Variants in SIM1 observed in about 807,000 individuals in gnomAD.
SIM1 encodes the protein single-minded homolog 1.
Under a neutral mutation model 78.2 loss-of-function variants are expected in SIM1, and 18 were observed. The observed-to-expected ratio is 0.23, with a 90% CI of 0.16 to 0.34. The LOEUF (loss-of-function observed/expected upper bound fraction) is 0.34. Among genes scored for constraint, SIM1 ranks in the 10% least tolerant of loss-of-function variants. The probability of loss-of-function intolerance (pLI) is 1.00; values close to 1 mark genes in which losing one functional copy is unlikely to be tolerated. For missense variants in SIM1, 939 were observed against 975.1 expected, an observed-to-expected ratio of 0.96 and a Z score of 0.49; for synonymous variants, 417 against 385.2, an observed-to-expected ratio of 1.08 and a Z score of -0.97.
At chr6:100,461,675 T>C (rs1772850869) in intron 2 of SIM1, among the ~76,000 whole-genome samples, 1 of 152,136 alleles carries the variant, frequency 6.6e-6, no homozygotes, top group South Asian at 2.1e-4. Context: ...TTTTATAAAG[T>C]AGGCGCTGAC....
chr6:100,444,554 C>G (rs1202840586), intron 9 of SIM1, among the ~76,000 whole-genome samples: 1 of 152,062 alleles, frequency 6.6e-6, no homozygotes, highest in Admixed American at 6.5e-5. Flanking sequence ...GGAATTTACT[C>G]ATAGTATCTT....
At chr6:100,412,660 AG>A (rs1380610843) in intron 10 of SIM1, among the ~76,000 whole-genome samples, 14 of 132,150 alleles carry the variant, frequency 1.1e-4, no homozygotes, top group Non-Finnish European at 1.6e-4. Flanking sequence ...AAAGAAAGAG[AG>A]AGAGAGAGAG....
chr6:100,411,609 A>G (rs556970827), intron 10 of SIM1, among the ~76,000 whole-genome samples: 120 of 152,248 alleles, frequency 7.9e-4, no homozygotes, highest in African/African-American at 2.8e-3. Context: ...AAATTTATTT[A>G]TTTATTCATT....
intron 9 of SIM1, among the ~76,000 whole-genome samples, chr6:100,436,562 T>A (rs1053372141): frequency 2.0e-5 from 3 of 152,184 alleles, no homozygotes; most frequent in Non-Finnish European, 4.4e-5. Context: ...AAATAACCAC[T>A]GTAATAATTC....
chr6:100,424,942 T>C (rs1771687634), intron 9 of SIM1, among the ~76,000 whole-genome samples: 1 of 152,216 alleles, frequency 6.6e-6, no homozygotes, highest in Admixed American at 6.5e-5. Flanking sequence ...TTTGCTGTAT[T>C]TCTTTCCTTT....
intron 10 of SIM1, among the ~76,000 whole-genome samples, chr6:100,399,840 C>T (rs972037238): frequency 6.6e-6 from 1 of 151,928 alleles, no homozygotes; most frequent in Non-Finnish European, 1.5e-5. Context: ...ATAGAGCAAA[C>T]TCAATTCTAT....
At chr6:100,418,745 T>C (rs1045493937) in intron 10 of SIM1, among the ~76,000 whole-genome samples, 1 of 152,340 alleles carries the variant, frequency 6.6e-6, no homozygotes, top group East Asian at 1.9e-4. Context: ...AACACATCTA[T>C]ATATTAAAGG....
At position 100,390,562 on chromosome 6, in the gene SIM1, G is replaced by A. The variant is rs77655804; in HGVS notation, c.2100C>T (p.Gly700=). The A allele has an allele frequency of 3.7e-6, 6 of 1,614,176 alleles. No homozygotes were observed. In the South Asian group the frequency reaches 5.5e-5, roughly 15 times the overall value. ...DHPTVSPNCF[G]SHRQYFDKHA... ...GCTTGTCAAAATACTGCCGGTGAGA[G>A]CCAAAGCAGTTTGGAGAGACAGTAG... is the stretch of plus-strand genomic sequence containing the variant. The change falls in exon 12 of 12, where the codon GGC becomes GGT. Residue 700 remains glycine (G), a synonymous_variant. Transcript: ENST00000369208.
chr6:100,418,511 G>C (rs777245465), intron 10 of SIM1, among the ~76,000 whole-genome samples: 2 of 152,058 alleles, frequency 1.3e-5, no homozygotes, highest in Non-Finnish European at 2.9e-5. Flanking sequence ...CACATGGAAG[G>C]GGTAGTCTAA....
chr6:100,397,514 T>TA (rs912784786), intron 10 of SIM1, among the ~76,000 whole-genome samples: 10 of 151,940 alleles, frequency 6.6e-5, no homozygotes, highest in South Asian at 2.1e-4. Context: ...ACAGCTTATA[T>TA]AAAAAAAACT....
At chr6:100,454,975 C>T (rs922978731) in intron 2 of SIM1, among the ~76,000 whole-genome samples, 1 of 152,088 alleles carries the variant, frequency 6.6e-6, no homozygotes, top group Non-Finnish European at 1.5e-5. Context: ...ATGACCTCCC[C>T]CATCCCACCC....
chr6:100,393,821 G>A lies in SIM1; in HGVS notation c.1236C>T (p.Thr412=), dbSNP rs200106103. 2.5e-6 allele frequency: 4 copies of A among 1,610,198 alleles called. No individual in the cohort carries two copies. Among genetic ancestry groups the A allele is most frequent in the African/African-American group, 1.3e-5 (1 of 74,826 alleles). The change falls in exon 11 of 12, where the codon ACC becomes ACT. Residue 412 remains threonine (T), a synonymous_variant. Transcript: ENST00000369208. Reference sequence around the variant, plus strand: ...CCAGAAGCTGCGGAGAGGCCGTGTCGGTCAAGGGACTTCCGCCCCACTGGC... The same window carrying A: ...CCAGAAGCTGCGGAGAGGCCGTGTCAGTCAAGGGACTTCCGCCCCACTGGC... The part of the protein sequence containing the change: ...HDSQWGGSPL[T]DTASPQLLDP...
chr6:100,405,203 A>C (rs550819449), intron 10 of SIM1, among the ~76,000 whole-genome samples: 1 of 152,122 alleles, frequency 6.6e-6, no homozygotes, highest in Non-Finnish European at 1.5e-5. Context: ...ATTCAATTAC[A>C]TACAGTTCCT....
At chr6:100,395,964 T>A (rs141783266) in intron 10 of SIM1, 1 of 273,682 alleles carries the variant, frequency 3.7e-6, no homozygotes, top group African/African-American at 2.3e-5. Flanking sequence ...ACTATCAGCA[T>A]ATTCCATCAA....
chr6:100,463,851 C>T lies in SIM1; in HGVS notation c.-383G>A, dbSNP rs963925803. The T allele has an allele frequency of 3.4e-5, 6 of 176,658 alleles. No individual in the cohort carries two copies. Among genetic ancestry groups the T allele is most frequent in the Non-Finnish European group, 6.0e-5 (5 of 82,652 alleles). The allele number at this position is 176,658 out of a possible 1,614,324, so 10.9% of individuals were successfully genotyped here. On this transcript the variant is annotated 5_prime_UTR_variant, in exon 2 of 12. Coordinates refer to ENST00000369208, the MANE Select transcript of SIM1 (RefSeq NM_005068.3). ...GGAAAATCGACATAATAATCCCTGA[C>T]GTTTGCTCTTCAGTCTCGCGGCATT...
intron 9 of SIM1, among the ~76,000 whole-genome samples, chr6:100,439,904 A>T (rs1215465345): frequency 6.6e-6 from 1 of 152,196 alleles, no homozygotes; most frequent in Non-Finnish European, 1.5e-5. Context: ...TACAGTGAAA[A>T]ACAGGGTGAG....
Position 100,385,392 on chromosome 6 carries a change from C to A in SIM1, c.*4969G>T, listed in dbSNP as rs147767374. The A allele has an allele frequency of 6.6e-6, 1 of 151,088 alleles. No individual in the cohort carries two copies. Among genetic ancestry groups the A allele is most frequent in the African/African-American group, 2.4e-5 (1 of 41,136 alleles). 9.4% of individuals were successfully genotyped at this position (151,088 alleles called of 1,614,324 possible). On this transcript the variant is annotated 3_prime_UTR_variant, in exon 12 of 12. Coordinates refer to ENST00000369208, the MANE Select transcript of SIM1 (RefSeq NM_005068.3). ...TTTCCTTTTTTGAAATATTTCCCTT[C>A]GGAAAAAAAAAGAAAAAAGACTTAC...
rs752400322 is a variant in SIM1, at chr6:100,387,139, G to A, written c.*3222C>T. The A allele has an allele frequency of 9.9e-5, 15 of 152,126 alleles. No homozygotes were observed. The highest frequency in any genetic ancestry group is 8.5e-4 in the Admixed American group (13 of 15,272). 9.4% of individuals were successfully genotyped at this position (152,126 alleles called of 1,614,324 possible). On this transcript the variant is annotated 3_prime_UTR_variant, in exon 12 of 12. Transcript: ENST00000369208. ...AGAATTCTACAAAACCATGAGCTAT[G>A]TATCATCTAATGAATTGATACATAT... is the stretch of plus-strand genomic sequence containing the variant.
chr6:100,412,781 G>C (rs1208011906), intron 10 of SIM1, among the ~76,000 whole-genome samples: 1 of 152,000 alleles, frequency 6.6e-6, no homozygotes, highest in Non-Finnish European at 1.5e-5. Flanking sequence ...AAGGGAGAAA[G>C]AGAGAACGAA....
Sources: gnomAD v4.1 joint callset for allele counts (sites outside exome capture counted in the v4.1 genomes callset) on GRCh38, gnomAD v4.1.1 for gene constraint, MANE v1.5 for transcripts, NCBI Gene and HGNC (gene_info 2026-07-23, HGNC 2026-07-21) for gene names.